The following SGCG variants were observed in gnomAD, a reference collection of about 807,000 sequenced individuals.
The protein encoded by SGCG is sarcoglycan gamma, also known as gamma-sarcoglycan.
SGCG carries 26 observed loss-of-function variants against 29.3 expected under a neutral mutation model. The ratio of observed to expected loss-of-function variants is 0.89; its 90% CI spans 0.65 to 1.23. SGCG has a LOEUF of 1.23. Among genes scored for constraint, SGCG ranks in the 50% most tolerant of loss-of-function variants. SGCG has a pLI of 0.00. For synonymous variants in SGCG, 145 were observed against 129.7 expected (o/e 1.12, Z -0.80); for missense variants, 353 against 356.0 (o/e 0.99, Z 0.07).
chr13:23,295,881 G>A (rs1466521197), intron 6 of SGCG, among the ~76,000 whole-genome samples: 6 of 152,120 alleles, frequency 3.9e-5, no homozygotes, highest in Non-Finnish European at 5.9e-5. Context: ...TGTGACTGGC[G>A]GGACCTCCTC....
chr13:23,221,858 T>C (rs1342237148), intron 2 of SGCG, among the ~76,000 whole-genome samples: 2 of 152,184 alleles, frequency 1.3e-5, no homozygotes, highest in Non-Finnish European at 2.9e-5. Context: ...AGGGACCAGA[T>C]GTAAGAACTA....
intron 1 of SGCG, among the ~76,000 whole-genome samples, chr13:23,202,165 C>T (rs920460032): frequency 1.3e-5 from 2 of 152,186 alleles, no homozygotes; most frequent in Non-Finnish European, 2.9e-5. Flanking sequence ...CCAAAGACAT[C>T]AGCGAAGTCC....
intron 1 of SGCG, among the ~76,000 whole-genome samples, chr13:23,188,470 C>T (rs980054169): frequency 2.1e-5 from 3 of 145,034 alleles, no homozygotes; most frequent in East Asian, 2.0e-4. Flanking sequence ...GGATTACAGG[C>T]GCCTGCCTAA....
At chr13:23,256,797 G>T (rs1276203001) in intron 4 of SGCG, among the ~76,000 whole-genome samples, 11 of 152,172 alleles carry the variant, frequency 7.2e-5, no homozygotes, top group African/African-American at 2.4e-4. Flanking sequence ...ATTTGGGTTA[G>T]TTCCAAGTCT....
intron 6 of SGCG, among the ~76,000 whole-genome samples, chr13:23,308,999 C>T (rs1297670775): frequency 6.6e-6 from 1 of 152,064 alleles, no homozygotes; most frequent in Admixed American, 6.6e-5. Flanking sequence ...GTATATCTCT[C>T]TATTCACACA....
At chr13:23,171,006 G>T in the SGCG span, among the ~76,000 whole-genome samples, 1 of 152,182 alleles carries the variant, frequency 6.6e-6, no homozygotes, top group African/African-American at 2.4e-5. Flanking sequence ...GTATAAAAGT[G>T]CTATGCTATG....
At chr13:23,196,631 T>C (rs1877522896) in intron 1 of SGCG, among the ~76,000 whole-genome samples, 1 of 152,124 alleles carries the variant, frequency 6.6e-6, no homozygotes, top group African/African-American at 2.4e-5. Flanking sequence ...TTTTCTGTTT[T>C]TGCTTGGTTG....
chr13:23,208,858 G>C (rs1393120344), intron 2 of SGCG, among the ~76,000 whole-genome samples: 8 of 151,936 alleles, frequency 5.3e-5, no homozygotes, highest in Non-Finnish European at 7.4e-5. Flanking sequence ...TGCAATATTA[G>C]TTTAGTTATA....
intron 5 of SGCG, among the ~76,000 whole-genome samples, chr13:23,287,971 T>C (rs9507071): frequency 0.43 from 65,720 of 151,834 alleles, 15,034 homozygotes; most frequent in Middle Eastern, 0.65. Context: ...GCCAGGATGG[T>C]CTTGATCTCT....
chr13:23,224,513 C>T (rs1039271320), intron 2 of SGCG, among the ~76,000 whole-genome samples: 1 of 152,088 alleles, frequency 6.6e-6, no homozygotes, highest in Non-Finnish European at 1.5e-5. Flanking sequence ...GAATGGGCCC[C>T]CAGCACAGAG....
chr13:23,168,260 T>C, the SGCG span, among the ~76,000 whole-genome samples: 1 of 152,332 alleles, frequency 6.6e-6, no homozygotes, highest in East Asian at 1.9e-4. Flanking sequence ...ATTTAAAATA[T>C]ACTCCTAGTG....
At chr13:23,289,471 A>T (rs1881617913) in intron 5 of SGCG, among the ~76,000 whole-genome samples, 1 of 152,232 alleles carries the variant, frequency 6.6e-6, no homozygotes, top group South Asian at 2.1e-4. Flanking sequence ...AGACTTCTCT[A>T]AACATCTATC....
chr13:23,234,689 G>A lies in SGCG; in HGVS notation c.274G>A (p.Ala92Thr), dbSNP rs1566011069. 5.6e-6 allele frequency: 9 copies of A among 1,605,548 alleles called. No individual in the cohort carries two copies. Among genetic ancestry groups the A allele is most frequent in the Non-Finnish European group, 6.8e-6 (8 of 1,172,564 alleles). Residue 92 changes from alanine to threonine, a missense_variant, in exon 3 of 8, where the codon GCC becomes ACC. By Grantham distance (58) the Ala-to-Thr change is moderately conservative (BLOSUM62 0). Transcript: ENST00000218867. ...ATCAGAATTTTTATTCCCATTGTAT[G>A]CCAAAGAAATACACTCCAGAGTGGT... ...GESEFLFPLY[A>T]KEIHSRVDSS...
intron 4 of SGCG, among the ~76,000 whole-genome samples, chr13:23,255,336 C>T (rs1379962968): frequency 1.3e-5 from 2 of 152,202 alleles, no homozygotes; most frequent in African/African-American, 4.8e-5. Context: ...CTTCTACTAC[C>T]ATCATATCTT....
intron 2 of SGCG, among the ~76,000 whole-genome samples, chr13:23,210,665 TG>T (rs1878162303): frequency 6.6e-6 from 1 of 152,190 alleles, no homozygotes; most frequent in South Asian, 2.1e-4. Context: ...CACTCCAGCC[TG>T]GGCGACAGAG....
the SGCG span, among the ~76,000 whole-genome samples, chr13:23,169,108 T>C: frequency 6.6e-6 from 1 of 151,810 alleles, no homozygotes; most frequent in Non-Finnish European, 1.5e-5. Flanking sequence ...TAGTCCTCTC[T>C]TGCAAAACCT....
Position 23,257,812 on chromosome 13 carries a change from C to T in SGCG, c.385+7095C>T, listed in dbSNP as rs534783432. ...CATTTATTAAATAGGGAATCGTTTC[C>T]CCATTGCTTGTTTTTGTCAGGTTTG... On this transcript the variant is annotated intron_variant, in intron 4 of 7. Coordinates refer to ENST00000218867, the MANE Select transcript of SGCG (RefSeq NM_000231.3). Among the ~76,000 whole-genome samples the T allele has an allele frequency of 3.3e-5, 5 of 152,184 alleles. No homozygotes were observed. The South Asian group carries it at 1.0e-3, about 32-fold the overall frequency.
At chr13:23,316,028 G>A (rs748770160) in intron 6 of SGCG, among the ~76,000 whole-genome samples, 13 of 152,184 alleles carry the variant, frequency 8.5e-5, no homozygotes, top group South Asian at 2.1e-4. Context: ...GGCCATGGTG[G>A]CAGGGATGGA....
At position 23,264,907 on chromosome 13, in the gene SGCG, C is replaced by G. The variant is rs533722133; in HGVS notation, c.385+14190C>G. On this transcript the variant is annotated intron_variant, in intron 4 of 7. Coordinates refer to ENST00000218867, the MANE Select transcript of SGCG (RefSeq NM_000231.3). ...AGAAGAATGAAACTGGATTTCTACT[C>G]TCACCATATACAAAAATTAGCTCTA... Among the ~76,000 whole-genome samples, 213 of 152,164 alleles carry G rather than the reference C, an allele frequency of 1.4e-3. 3 individuals are homozygous for G. Among genetic ancestry groups the G allele is most frequent in the African/African-American group, 5.0e-3 (206 of 41,514 alleles).
Sources: gnomAD v4.1 joint callset for allele counts (sites outside exome capture counted in the v4.1 genomes callset) on GRCh38, gnomAD v4.1.1 for gene constraint, MANE v1.5 for transcripts, NCBI Gene and HGNC (gene_info 2026-07-23, HGNC 2026-07-21) for gene names.